Variants in TSHZ1 observed in about 807,000 individuals in gnomAD.
TSHZ1 encodes the protein teashirt zinc finger homeobox 1, also known as teashirt homolog 1.
Under a neutral mutation model 67.1 loss-of-function variants are expected in TSHZ1, and 12 were observed. The observed-to-expected ratio is 0.18, with a 90% CI of 0.11 to 0.29. The LOEUF is 0.29. Among genes scored for constraint, TSHZ1 ranks in the 10% least tolerant of loss-of-function variants. The pLI is 1.00. For synonymous variants in TSHZ1, 632 were observed against 622.4 expected, an observed-to-expected ratio of 1.02 and a Z score of -0.23; for missense variants, 1,305 against 1,413.9, an observed-to-expected ratio of 0.92 and a Z score of 1.23.
intron 1 of TSHZ1, among the ~76,000 whole-genome samples, chr18:75,282,222 C>T (rs576982288): frequency 9.6e-4 from 146 of 152,298 alleles, no homozygotes; most frequent in Non-Finnish European, 1.7e-3. Flanking sequence ...GTCTGGACAA[C>T]GCTCTGTGCC....
chr18:75,222,418 T>C (rs2022858560), intron 1 of TSHZ1, among the ~76,000 whole-genome samples: 1 of 152,156 alleles, frequency 6.6e-6, no homozygotes, highest in South Asian at 2.1e-4. Flanking sequence ...CTCAAAAGCT[T>C]TCAAGGAGAA....
intron 1 of TSHZ1, among the ~76,000 whole-genome samples, chr18:75,260,279 A>T (rs115386388): frequency 1.2e-3 from 180 of 152,350 alleles, no homozygotes; most frequent in African/African-American, 4.2e-3. Flanking sequence ...AAAGAAAAAT[A>T]TCTCCCGCTT....
At chr18:75,261,640 A>C (rs146187696) in intron 1 of TSHZ1, among the ~76,000 whole-genome samples, 8 of 152,224 alleles carry the variant, frequency 5.3e-5, no homozygotes, top group African/African-American at 1.9e-4. Flanking sequence ...TTTACAACGT[A>C]ATTTCTCATT....
chr18:75,259,347 A>G (rs772442109), intron 1 of TSHZ1, among the ~76,000 whole-genome samples: 1 of 152,184 alleles, frequency 6.6e-6, no homozygotes, highest in Non-Finnish European at 1.5e-5. Context: ...CAGGCAGTCA[A>G]CCATTGTCCA....
chr18:75,258,818 A>G (rs190878812), intron 1 of TSHZ1, among the ~76,000 whole-genome samples: 1 of 152,170 alleles, frequency 6.6e-6, no homozygotes, highest in African/African-American at 2.4e-5. Flanking sequence ...AGGGCAGGTG[A>G]CTGTGCCATC....
intron 1 of TSHZ1, chr18:75,221,063 G>A (rs1256195103): frequency 1.3e-5 from 2 of 152,094 alleles, no homozygotes; most frequent in African/African-American, 4.8e-5. Context: ...AGCAGAGCCC[G>A]CGTTAGCCAT....
At chr18:75,229,047 A>G (rs2022961919) in intron 1 of TSHZ1, among the ~76,000 whole-genome samples, 1 of 152,204 alleles carries the variant, frequency 6.6e-6, no homozygotes, top group African/African-American at 2.4e-5. Flanking sequence ...CATATGGTGG[A>G]TAGAGGAGCT....
intron 1 of TSHZ1, among the ~76,000 whole-genome samples, chr18:75,213,842 A>G (rs1302091905): frequency 6.6e-6 from 1 of 152,224 alleles, no homozygotes; most frequent in Non-Finnish European, 1.5e-5. Context: ...TCTACACGAC[A>G]TTTGGCATAC....
At chr18:75,226,396 T>G (rs1213079375) in intron 1 of TSHZ1, among the ~76,000 whole-genome samples, 1 of 152,160 alleles carries the variant, frequency 6.6e-6, no homozygotes, top group Non-Finnish European at 1.5e-5. Flanking sequence ...TCAGGCACTG[T>G]CTTATCTGTT....
chr18:75,283,690 C>A (rs1038110563), intron 1 of TSHZ1: 1 of 152,208 alleles, frequency 6.6e-6, no homozygotes, highest in East Asian at 1.9e-4. Context: ...TCCACATGAC[C>A]GATTCAGTCG....
intron 1 of TSHZ1, among the ~76,000 whole-genome samples, chr18:75,279,644 C>T (rs1236448377): frequency 6.6e-6 from 1 of 152,204 alleles, no homozygotes; most frequent in East Asian, 1.9e-4. Context: ...AGGACAGCCT[C>T]TCTGGCAGTG....
chr18:75,216,861 G>C (rs2022775368), intron 1 of TSHZ1, among the ~76,000 whole-genome samples: 2 of 152,252 alleles, frequency 1.3e-5, no homozygotes, highest in African/African-American at 4.8e-5. Flanking sequence ...GGGAGCTTCT[G>C]GAAAGGCATG....
intron 1 of TSHZ1, among the ~76,000 whole-genome samples, chr18:75,230,956 A>G (rs2022990787): frequency 6.6e-6 from 1 of 152,212 alleles, no homozygotes; most frequent in African/African-American, 2.4e-5. Flanking sequence ...TAATATTTAA[A>G]TAAGCCAGTT....
chr18:75,280,968 G>T (rs1217699521), intron 1 of TSHZ1, among the ~76,000 whole-genome samples: 2 of 152,162 alleles, frequency 1.3e-5, no homozygotes, highest in Non-Finnish European at 2.9e-5. Context: ...CATCCAGACT[G>T]GGCACTCCCC....
chr18:75,241,304 A>C lies in TSHZ1; in HGVS notation c.40+29388A>C, dbSNP rs28583953. Among the ~76,000 whole-genome samples, 961 of 152,154 alleles carry C rather than the reference A, an allele frequency of 6.3e-3. 11 individuals carry two copies. The highest frequency in any genetic ancestry group is 0.022 in the African/African-American group (917 of 41,494). On this transcript the variant is annotated intron_variant, in intron 1 of 1. Transcript: ENST00000580243. ...TTTCTGGGATTAGAAGAGCTATGCTATCTCTCCCCTGTAAAAGCGATTGGT... is the reference window on the plus strand; with the variant it reads ...TTTCTGGGATTAGAAGAGCTATGCTCTCTCTCCCCTGTAAAAGCGATTGGT...
intron 1 of TSHZ1, among the ~76,000 whole-genome samples, chr18:75,241,456 C>T (rs546641261): frequency 1.1e-3 from 170 of 152,220 alleles, no homozygotes; most frequent in Non-Finnish European, 1.7e-3. Flanking sequence ...TCCCCCTCCG[C>T]ATAAGGAGTC....
intron 1 of TSHZ1, among the ~76,000 whole-genome samples, chr18:75,235,974 C>T (rs1167784137): frequency 6.6e-6 from 1 of 152,208 alleles, no homozygotes; most frequent in Non-Finnish European, 1.5e-5. Flanking sequence ...GCGTTTCAGA[C>T]CTTGCCTCCA....
chr18:75,255,701 T>G (rs2023354552), intron 1 of TSHZ1, among the ~76,000 whole-genome samples: 1 of 152,218 alleles, frequency 6.6e-6, no homozygotes, highest in African/African-American at 2.4e-5. Context: ...AAATTACTTT[T>G]CATTGAACAC....
At position 75,281,879 on chromosome 18, in the gene TSHZ1, CG is replaced by C. The variant is rs892571448; in HGVS notation, c.41-3565del. 5.3e-5 allele frequency among the ~76,000 whole-genome samples: 8 copies of C among 152,188 alleles called. No individual in the cohort carries two copies. The highest frequency in any genetic ancestry group is 5.2e-4 in the Admixed American group (8 of 15,306). The stretch of plus-strand genomic sequence containing the variant: ...GGCCCAGCCTTCACCCTGGTCCACA[CG>C]GGGCTCCCTGCCTTCCAAAAGTGTC... On this transcript the variant is annotated intron_variant, in intron 1 of 1. Transcript: ENST00000580243. The surrounding 1 kb of genome is among the most constrained non-coding windows in gnomAD (Gnocchi z 5.3).
Sources: gnomAD v4.1 joint callset for allele counts (sites outside exome capture counted in the v4.1 genomes callset) on GRCh38, gnomAD v4.1.1 for gene constraint, Gnocchi (gnomAD v3.1) non-coding constraint, MANE v1.5 for transcripts, NCBI Gene and HGNC (gene_info 2026-07-23, HGNC 2026-07-21) for gene names.